Variants in ACAA1 observed in about 807,000 individuals in gnomAD.
ACAA1 encodes acetyl-CoA acyltransferase 1.
A neutral mutation model predicts 48.8 loss-of-function variants in ACAA1; 44 were observed. The ratio of observed to expected loss-of-function variants is 0.90; its 90% CI spans 0.71 to 1.16. The LOEUF is 1.16. ACAA1 is among the 50% of genes most tolerant of loss of function. ACAA1 has a pLI of 0.00. For synonymous variants in ACAA1, 233 were observed against 226.5 expected, an observed-to-expected ratio of 1.03 and a Z score of -0.26; for missense variants, 512 against 562.3, an observed-to-expected ratio of 0.91 and a Z score of 0.90.
chr3:38,130,148 G>A (rs775015042), intron 5 of ACAA1, among the ~76,000 whole-genome samples: 10 of 152,340 alleles, frequency 6.6e-5, no homozygotes, highest in African/African-American at 1.9e-4. Flanking sequence ...GGAAGGAGAC[G>A]GCAGTGTAGT....
chr3:38,132,119 C>T, intron 3 of ACAA1, 114 bp from the exon 4 acceptor site: 1 of 877,322 alleles, frequency 1.1e-6, no homozygotes, highest in South Asian at 1.5e-5. Context: ...GGCAGGGGAA[C>T]AAACCCAGCA....
At chr3:38,131,895 G>A in intron 4 of ACAA1, 31 bp downstream of exon 4, 3 of 1,598,132 alleles carry the variant, frequency 1.9e-6, no homozygotes, top group Non-Finnish European at 2.6e-6. Context: ...CACAGGTCCA[G>A]GACCAAGGCA....
intron 3 of ACAA1, chr3:38,132,485 C>T (rs1347812753): frequency 6.4e-6 from 1 of 155,954 alleles, no homozygotes; most frequent in Non-Finnish European, 1.4e-5. Flanking sequence ...ATAGCTAACC[C>T]TGCATGTTCC....
chr3:38,126,369 G>C lies in ACAA1; in HGVS notation c.818-28C>G, dbSNP rs769871160. ...AGGGGCAAACTGTTGGGGTAAGAAG[G>C]CATCGGGGTGGGGATGAGGAGATCC... On this transcript the variant is annotated intron_variant, in intron 8 of 11. Coordinates refer to ENST00000333167, the MANE Select transcript of ACAA1 (RefSeq NM_001607.4). The surrounding 1 kb of genome is among the most constrained non-coding windows in gnomAD (Gnocchi z 4.7). 6 of 1,609,768 alleles carry C rather than the reference G, an allele frequency of 3.7e-6. No homozygotes were observed. The South Asian group carries it at 6.6e-5, about 18-fold the overall frequency.
chr3:38,125,952 G>A (rs1700672524), intron 9 of ACAA1, 71 bp from the exon 10 acceptor site: 3 of 1,600,040 alleles, frequency 1.9e-6, no homozygotes, highest in Non-Finnish European at 8.6e-7. Context: ...CCCATCCATG[G>A]GCCTACAGGC....
intron 7 of ACAA1, among the ~76,000 whole-genome samples, chr3:38,127,145 C>G (rs1382061682): frequency 6.6e-6 from 1 of 152,202 alleles, no homozygotes; most frequent in Non-Finnish European, 1.5e-5. Flanking sequence ...TGTATTTAAG[C>G]AATTTTAAAG....
rs1700743723 is a variant in ACAA1 at position 38,129,479 on chromosome 3, A to T, written c.447-91T>A. On this transcript the variant is annotated intron_variant, in intron 5 of 11. Coordinates refer to ENST00000333167, the MANE Select transcript of ACAA1 (RefSeq NM_001607.4). This position sits in a 1 kb window ranked among gnomAD's most constrained non-coding sequence, Gnocchi z 5.3. ...AGCTGAACACTTGGCAAGTGCTAGG[A>T]AATAGCCAGGGAGCCCTAGGAAGAC... 1 of 1,065,964 alleles carries T rather than the reference A, an allele frequency of 9.4e-7. No individual in the cohort carries two copies. The highest frequency in any genetic ancestry group is 2.1e-5 in the Admixed American group (1 of 48,158). The allele number at this position is 1,065,964 out of a possible 1,614,324, so 66.0% of individuals were successfully genotyped here.
intron 2 of ACAA1, 146 bp downstream of exon 2, chr3:38,136,446 C>A: frequency 2.6e-6 from 2 of 762,674 alleles, no homozygotes; most frequent in Non-Finnish European, 4.5e-6. Flanking sequence ...CGAGAAATAC[C>A]CACAGGTGTG....
chr3:38,122,716 A>G lies in ACAA1; in HGVS notation c.*331T>C, dbSNP rs1360502548. ...GGAAAAAAACCACAGCCACTAAGATAAATTCATGCACTTTTACTATGCCCA... is the reference window on the plus strand; with the variant it reads ...GGAAAAAAACCACAGCCACTAAGATGAATTCATGCACTTTTACTATGCCCA... On this transcript the variant is annotated 3_prime_UTR_variant, in exon 12 of 12. Coordinates refer to ENST00000333167, the MANE Select transcript of ACAA1 (RefSeq NM_001607.4). 15 of 1,370,924 alleles carry G rather than the reference A, an allele frequency of 1.1e-5. No homozygotes were observed. The highest frequency in any genetic ancestry group is 4.6e-5 in the South Asian group (3 of 65,444). 84.9% of individuals were successfully genotyped at this position (1,370,924 alleles called of 1,614,324 possible). A position where few individuals can be genotyped will look rare whatever the true frequency, so the allele number is the denominator to read the frequency against.
intron 3 of ACAA1, 79 bp downstream of exon 3, chr3:38,133,873 T>A: frequency 6.7e-7 from 1 of 1,487,672 alleles, no homozygotes; most frequent in Non-Finnish European, 9.4e-7. Flanking sequence ...CTCCCCAACC[T>A]GCACACTGAG....
At position 38,136,939 on chromosome 3, in the gene ACAA1, C is replaced by G. The variant is rs1440409266; in HGVS notation, c.97G>C (p.Ala33Pro). The change falls in exon 1 of 12, where the codon GCC becomes CCC. Residue 33 changes from alanine to proline, a missense_variant. Ala to Pro is a conservative substitution (Grantham distance 27). Coordinates refer to ENST00000333167, the MANE Select transcript of ACAA1 (RefSeq NM_001607.4). ...AAPCLSGAPQ[A>P]SAADVVVVHG... The stretch of plus-strand genomic sequence containing the variant: ...ACCACCACCACGTCCGCGGCCGAGG[C>G]CTGCGGGGCACCGCTCAGGCAAGGC... The G allele has an allele frequency of 1.3e-6, 2 of 1,543,070 alleles. No homozygotes were observed. Among genetic ancestry groups the G allele is most frequent in the Non-Finnish European group, 1.7e-6 (2 of 1,146,576 alleles).
In ACAA1 at chr3:38,126,614, C is replaced by T; in HGVS notation, c.713G>A (p.Arg238Lys). 7 of 1,614,198 alleles carry T rather than the reference C, an allele frequency of 4.3e-6. No homozygotes were observed. The highest frequency in any genetic ancestry group is 3.3e-4 in the Middle Eastern group (2 of 6,062). Residue 238 changes from arginine (R) to lysine (K), a missense_variant, in exon 8 of 12, where the codon AGG becomes AAG. By Grantham distance (26) the Arg-to-Lys change is conservative. Coordinates refer to ENST00000333167, the MANE Select transcript of ACAA1 (RefSeq NM_001607.4). This position sits in a 1 kb window ranked among gnomAD's most constrained non-coding sequence, Gnocchi z 4.7. ...CTCATCCTGGGTCACAGTGATGCTC[C>T]TCTTGGTGCCCTTGTCATCATGGAC... is the stretch of plus-strand genomic sequence containing the variant. Reference protein sequence around the residue: ...TTVHDDKGTKRSITVTQDEGI... With the variant: ...TTVHDDKGTKKSITVTQDEGI...
In ACAA1 at chr3:38,131,747, G is replaced by A; in HGVS notation, c.404-109C>T. On this transcript the variant is annotated intron_variant, in intron 4 of 11. Coordinates refer to ENST00000333167, the MANE Select transcript of ACAA1 (RefSeq NM_001607.4). The stretch of plus-strand genomic sequence containing the variant: ...TAGATGGGACTCAGCCCCAGCCTCA[G>A]AAATGGAAGACCCAGGAGTGTTCAG... 5.1e-6 allele frequency: 7 copies of A among 1,364,430 alleles called. 1 individual carries two copies. The South Asian group carries it at 8.2e-5, about 16-fold the overall frequency. 84.5% of individuals were successfully genotyped at this position (1,364,430 alleles called of 1,614,324 possible).
intron 6 of ACAA1, among the ~76,000 whole-genome samples, chr3:38,128,587 A>G (rs1254672936): frequency 6.6e-6 from 1 of 152,100 alleles, no homozygotes; most frequent in Non-Finnish European, 1.5e-5. Flanking sequence ...CAAATGCCAC[A>G]TACTTTTCTT....
chr3:38,130,380 G>GT (rs1040792927), intron 5 of ACAA1, among the ~76,000 whole-genome samples: 2 of 152,200 alleles, frequency 1.3e-5, no homozygotes, highest in African/African-American at 4.8e-5. Flanking sequence ...GCTGAGCTAG[G>GT]TATCCCCATT....
intron 11 of ACAA1, chr3:38,124,597 A>T (rs1700635628): frequency 6.6e-6 from 1 of 152,212 alleles, no homozygotes; most frequent in Non-Finnish European, 1.5e-5. Context: ...CCTGAGTAAG[A>T]CCCTGTCTCA....
At chr3:38,136,525 TGAG>T in intron 2 of ACAA1, 64 bp downstream of exon 2, 6 of 1,563,040 alleles carry the variant, frequency 3.8e-6, no homozygotes, top group Non-Finnish European at 5.3e-6. Flanking sequence ...GGCGGGGAGG[TGAG>T]GAGAGCTCTG....
At position 38,126,324 on chromosome 3, in the gene ACAA1, T is replaced by A. The variant is rs1195539451; in HGVS notation, c.835A>T (p.Ser279Cys). The change falls in exon 9 of 12, where the codon AGT becomes TGT. Residue 279 changes from serine to cysteine, a missense_variant. Physicochemically the swap from Ser to Cys is moderately radical, Grantham distance 112. Transcript: ENST00000333167. This position sits in a 1 kb window ranked among gnomAD's most constrained non-coding sequence, Gnocchi z 4.7. ...AGCAGGATGGCAGCTGCCCCATCAC[T>A]CACCTGGCTAGAGTTTCCTAGGGGC... ...STTAGNSSQV[S>C]DGAAAILLAR... 8.1e-6 allele frequency: 13 copies of A among 1,613,712 alleles called. No homozygotes were observed. The highest frequency in any genetic ancestry group is 1.1e-5 in the Non-Finnish European group (13 of 1,179,892).
Position 38,137,024 on chromosome 3 carries a change from C to A in ACAA1, c.12G>T (p.Leu4=), listed in dbSNP as rs1380000365. The A allele has an allele frequency of 1.9e-6, 3 of 1,566,154 alleles. No homozygotes were observed. In the East Asian group the frequency reaches 7.2e-5, roughly 38 times the overall value. ...CCCTCAGGTGGCCCAGCACTACCTGCAGCCTCTGCATTGCGCAGGTCAACC... is the reference window on the plus strand; with the variant it reads ...CCCTCAGGTGGCCCAGCACTACCTGAAGCCTCTGCATTGCGCAGGTCAACC... The part of the protein sequence containing the change: MQR[L]QVVLGHLRGP... Residue 4 remains leucine, a synonymous_variant, in exon 1 of 12, where the codon CTG becomes CTT. Coordinates refer to ENST00000333167, the MANE Select transcript of ACAA1 (RefSeq NM_001607.4).
Sources: gnomAD v4.1 joint callset for allele counts (sites outside exome capture counted in the v4.1 genomes callset) on GRCh38, gnomAD v4.1.1 for gene constraint, Gnocchi (gnomAD v3.1) non-coding constraint, MANE v1.5 for transcripts, NCBI Gene and HGNC (gene_info 2026-07-23, HGNC 2026-07-21) for gene names.